The following PYCR3 variants were observed in gnomAD, a reference collection of about 807,000 sequenced individuals.
PYCR3 encodes pyrroline-5-carboxylate reductase 3.
A neutral mutation model predicts 23.4 loss-of-function variants in PYCR3; 26 were observed. The ratio of observed to expected loss-of-function variants is 1.11; its 90% confidence interval spans 0.81 to 1.54. The LOEUF is 1.54. Among genes scored for constraint, PYCR3 ranks in the 40% most tolerant of loss-of-function variants. The pLI is 0.00. For missense variants in PYCR3, 360 were observed against 376.3 expected (o/e 0.96, Z 0.36); for synonymous variants, 194 against 162.6 (o/e 1.19, Z -1.47).
rs1004517533 is a variant in PYCR3 at position 143,603,439 on chromosome 8, G to A, written c.*2261C>T. On this transcript the variant is annotated 3_prime_UTR_variant, in exon 6 of 6. Transcript: ENST00000495276. Reference sequence around the variant, plus strand: ...TCACCACAACGCTCCCTGCCGTGCCGAGAACTGAGCCCGTGTCTTTGTCAC... The same window carrying A: ...TCACCACAACGCTCCCTGCCGTGCCAAGAACTGAGCCCGTGTCTTTGTCAC... Among the ~76,000 whole-genome samples the A allele has an allele frequency of 4.6e-5, 7 of 152,214 alleles. No homozygotes were observed. Among genetic ancestry groups the A allele is most frequent in the African/African-American group, 7.2e-5 (3 of 41,450 alleles).
intron 2 of PYCR3, among the ~76,000 whole-genome samples, chr8:143,607,655 C>A (rs543268273): frequency 9.3e-4 from 142 of 152,304 alleles, no homozygotes; most frequent in African/African-American, 3.3e-3. Flanking sequence ...GGTGCACATG[C>A]ACTCATGAGC....
chr8:143,607,728 C>T (rs919602661), intron 2 of PYCR3, among the ~76,000 whole-genome samples: 7 of 152,090 alleles, frequency 4.6e-5, no homozygotes, highest in East Asian at 3.9e-4. Context: ...CACGTGCACA[C>T]GCACACACAA....
rs1829304928 is a variant in PYCR3 at position 143,603,451 on chromosome 8, CGT to C, written c.*2247_*2248del. On this transcript the variant is annotated 3_prime_UTR_variant, in exon 6 of 6. Transcript: ENST00000495276. ...TCCCTGCCGTGCCGAGAACTGAGCC[CGT>C]GTCTTTGTCACAGGCCCTCACCAGC... Among the ~76,000 whole-genome samples the C allele has an allele frequency of 6.6e-6, 1 of 152,200 alleles. No individual in the cohort carries two copies. The highest frequency in any genetic ancestry group is 6.5e-5 in the Admixed American group (1 of 15,272).
In PYCR3 at chr8:143,604,907, T is replaced by A; in HGVS notation, c.*793A>T. The A allele has an allele frequency of 2.0e-6, 1 of 509,728 alleles. No individual in the cohort carries two copies. Among genetic ancestry groups the A allele is most frequent in the Non-Finnish European group, 3.9e-6 (1 of 255,884 alleles). 31.6% of individuals were successfully genotyped at this position (509,728 alleles called of 1,614,324 possible). On this transcript the variant is annotated 3_prime_UTR_variant, in exon 6 of 6. Transcript: ENST00000495276. Reference sequence around the variant, plus strand: ...GGGCCCAGAGCCACCTGGCCACTTGTCAGGAGCTTAGGATTGGGAGGAAAG... The same window carrying A: ...GGGCCCAGAGCCACCTGGCCACTTGACAGGAGCTTAGGATTGGGAGGAAAG...
Position 143,605,313 on chromosome 8 carries a change from C to T in PYCR3, c.*387G>A. On this transcript the variant is annotated 3_prime_UTR_variant, in exon 6 of 6. Coordinates refer to ENST00000495276, the MANE Select transcript of PYCR3 (RefSeq NM_023078.6). Reference sequence around the variant, plus strand: ...GAAAGCCAAAGGCAAGCTCCAGCTCCAGACCAGGCATTGGGCCAGCCGTGC... The same window carrying T: ...GAAAGCCAAAGGCAAGCTCCAGCTCTAGACCAGGCATTGGGCCAGCCGTGC... 1 of 311,542 alleles carries T rather than the reference C, an allele frequency of 3.2e-6. No homozygotes were observed. Among genetic ancestry groups the T allele is most frequent in the Non-Finnish European group, 6.1e-6 (1 of 163,134 alleles). The allele number at this position is 311,542 out of a possible 1,614,324, so 19.3% of individuals were successfully genotyped here. A position where few individuals can be genotyped will look rare whatever the true frequency, so the allele number is the denominator to read the frequency against.
chr8:143,607,051 CAT>C lies in PYCR3; in HGVS notation c.236_237del (p.His79ArgfsTer16), dbSNP rs769645745. On this transcript the variant is annotated frameshift_variant, in exon 3 of 6. Coordinates refer to ENST00000495276, the MANE Select transcript of PYCR3 (RefSeq NM_023078.6). LOFTEE classifies it high-confidence loss of function. ...ACCTCTGCCAGGACAGCTGGCAGCA[CAT>C]GAGGCTTGGTGGCAAAGATGACGAG... The part of the protein sequence containing the change: ...CLLVIFATKP[H>X]VLPAVLAEVA... 3.1e-6 allele frequency: 5 copies of C among 1,613,238 alleles called. No homozygotes were observed. Among genetic ancestry groups the C allele is most frequent in the East Asian group, 4.5e-5 (2 of 44,882 alleles).
chr8:143,606,876 TG>T, intron 3 of PYCR3, 76 bp downstream of exon 3: 1 of 1,485,598 alleles, frequency 6.7e-7, no homozygotes, highest in Non-Finnish European at 9.1e-7. Flanking sequence ...TCAGGCTCTC[TG>T]GGGGGCTGCC....
rs1187338922 is a variant in PYCR3 at position 143,605,877 on chromosome 8, C to T, written c.648G>A (p.Thr216=). ...GGCCCTCGTGCAGCAGCATCTTGGCCGTCCCCTGAGGAGAGCGTTAGGGCC... is the reference window on the plus strand; with the variant it reads ...GGCCCTCGTGCAGCAGCATCTTGGCTGTCCCCTGAGGAGAGCGTTAGGGCC... ...HRIAAQTLLG[T]AKMLLHEGQH... The change falls in exon 6 of 6, where the codon ACG becomes ACA. Residue 216 remains threonine (T), a synonymous_variant. Coordinates refer to ENST00000495276, the MANE Select transcript of PYCR3 (RefSeq NM_023078.6). The T allele has an allele frequency of 1.1e-5, 17 of 1,606,874 alleles. No individual in the cohort carries two copies. The East Asian group carries it at 2.7e-4, about 25-fold the overall frequency.
intron 1 of PYCR3, 131 bp from the exon 2 acceptor site, chr8:143,608,257 G>C (rs1446957302): frequency 3.0e-6 from 2 of 671,190 alleles, no homozygotes; most frequent in Admixed American, 2.7e-5. Context: ...CCTGGCCCCA[G>C]GAACCCAAAG....
chr8:143,605,183 C>A lies in PYCR3; in HGVS notation c.*517G>T. 3.0e-6 allele frequency: 1 copy of A among 338,864 alleles called. No individual in the cohort carries two copies. Among genetic ancestry groups the A allele is most frequent in the Non-Finnish European group, 5.8e-6 (1 of 173,636 alleles). The allele number at this position is 338,864 out of a possible 1,614,324, so 21.0% of individuals were successfully genotyped here. A position where few individuals can be genotyped will look rare whatever the true frequency, so the allele number is the denominator to read the frequency against. ...GGCCCCATCAGGCCAGGGCCCCTGG[C>A]TTTACTGCAGGGGAGAGGGTCTCTT... On this transcript the variant is annotated 3_prime_UTR_variant, in exon 6 of 6. Coordinates refer to ENST00000495276, the MANE Select transcript of PYCR3 (RefSeq NM_023078.6).
chr8:143,605,958 C>T, intron 5 of PYCR3, 76 bp from the exon 6 acceptor site: 2 of 1,563,272 alleles, frequency 1.3e-6, no homozygotes, highest in East Asian at 2.3e-5. Flanking sequence ...TCGTTGCATC[C>T]CCCAACCTTG....
At chr8:143,606,814 G>A in intron 3 of PYCR3, 135 bp from the exon 4 acceptor site, 1 of 1,337,562 alleles carries the variant, frequency 7.5e-7, no homozygotes, top group South Asian at 1.4e-5. Flanking sequence ...ACAGCACCAG[G>A]AGGGAACCCT....
Position 143,607,075 on chromosome 8 carries a change from C to A in PYCR3, c.214G>T (p.Val72Phe). Residue 72 changes from valine to phenylalanine, a missense_variant, in exon 3 of 6, where the codon GTC becomes TTC. By Grantham distance (50) the Val-to-Phe change is conservative (BLOSUM62 -1). Transcript: ENST00000495276. ...ACATGAGGCTTGGTGGCAAAGATGA[C>A]GAGCAGGCAGCTCTGCAGCACCTCC... ...NQEVLQSCLL[V>F]IFATKPHVLP... The A allele has an allele frequency of 6.2e-7, 1 of 1,612,228 alleles. No homozygotes were observed. The highest frequency in any genetic ancestry group is 8.5e-7 in the Non-Finnish European group (1 of 1,179,524).
chr8:143,607,990 G>T, intron 2 of PYCR3, 72 bp downstream of exon 2: 1 of 1,165,428 alleles, frequency 8.6e-7, no homozygotes, highest in Non-Finnish European at 1.3e-6. Flanking sequence ...TCTGATAAGT[G>T]TCTTAGTGGG....
intron 1 of PYCR3, 121 bp downstream of exon 1, chr8:143,609,337 G>A: frequency 1.7e-6 from 2 of 1,168,072 alleles, no homozygotes; most frequent in South Asian, 1.8e-5. Flanking sequence ...CCCCGGCTGC[G>A]CCCAGCGGAG....
In PYCR3 at chr8:143,605,200, G is replaced by A. The variant is rs1053885516; in HGVS notation, c.*500C>T. ...GCCCCTGGCTTTACTGCAGGGGAGA[G>A]GGTCTCTTGTGCAGACCCCATATGG... On this transcript the variant is annotated 3_prime_UTR_variant, in exon 6 of 6. Transcript: ENST00000495276. 2.1e-5 allele frequency: 7 copies of A among 334,652 alleles called. No individual in the cohort carries two copies. Among genetic ancestry groups the A allele is most frequent in the Non-Finnish European group, 3.5e-5 (6 of 171,746 alleles). 20.7% of individuals were successfully genotyped at this position (334,652 alleles called of 1,614,324 possible).
At chr8:143,607,161 CAGG>C in intron 2 of PYCR3, 29 bp from the exon 3 acceptor site, 1 of 1,512,972 alleles carries the variant, frequency 6.6e-7, no homozygotes, top group Non-Finnish European at 8.9e-7. Flanking sequence ...GACCAAGCCT[CAGG>C]GGCCATGTAA....
intron 1 of PYCR3, 99 bp from the exon 2 acceptor site, chr8:143,608,225 C>G: frequency 2.2e-6 from 2 of 894,332 alleles, no homozygotes; most frequent in Non-Finnish European, 3.6e-6. Context: ...CTCAGCCACG[C>G]CTGGCCCATC....
chr8:143,609,526 G>A lies in PYCR3; in HGVS notation c.23C>T (p.Pro8Leu), dbSNP rs1014985797. 5.9e-6 allele frequency: 9 copies of A among 1,513,648 alleles called. No individual in the cohort carries two copies. In the East Asian group the frequency reaches 1.9e-4, roughly 32 times the overall value. 93.8% of individuals were successfully genotyped at this position (1,513,648 alleles called of 1,614,324 possible). A position where few individuals can be genotyped will look rare whatever the true frequency, so the allele number is the denominator to read the frequency against. MAAAEPS[P>L]RRVGFVGAGR... ...CGCGCCCACGAAGCCCACGCGCCGC[G>A]GAGACGGCTCCGCAGCTGCCATCTT... The change falls in exon 1 of 6, where the codon CCG (proline) becomes CTG (leucine). Residue 8 changes from proline (P) to leucine (L), a missense_variant. By Grantham distance (98) the Pro-to-Leu change is moderately conservative. Transcript: ENST00000495276.
Sources: gnomAD v4.1 joint callset for allele counts (sites outside exome capture counted in the v4.1 genomes callset) on GRCh38, gnomAD v4.1.1 for gene constraint, MANE v1.5 for transcripts, NCBI Gene and HGNC (gene_info 2026-07-23, HGNC 2026-07-21) for gene names.